The following PYROXD1 variants were observed in gnomAD, a reference collection of about 807,000 sequenced individuals.
PYROXD1 encodes tRNA ligase complex-associated NAD(P)H dehydrogenase PYROXD1.
Under a neutral mutation model 62.0 loss-of-function variants are expected in PYROXD1, and 42 were observed. The ratio of observed to expected loss-of-function variants is 0.68; its 90% CI spans 0.53 to 0.88. PYROXD1 has a LOEUF of 0.88. Ranked by LOEUF, PYROXD1 falls within the 40% of genes least tolerant of loss-of-function variation. The pLI is 0.00. For synonymous variants in PYROXD1, 170 were observed against 206.4 expected (o/e 0.82, Z 1.51); for missense variants, 493 against 604.8 (o/e 0.82, Z 1.94).
chr12:21,461,617 A>G lies in PYROXD1; in HGVS notation c.881-391A>G, dbSNP rs537474816. On this transcript the variant is annotated intron_variant, in intron 8 of 11. Transcript: ENST00000240651. The stretch of plus-strand genomic sequence containing the variant: ...TGTTCTGAATTCTTTGAATTTTTCC[A>G]TAGGAAAGGGGAATTTGAATATGAG... Among the ~76,000 whole-genome samples the G allele has an allele frequency of 9.8e-5, 15 of 152,316 alleles. No homozygotes were observed. The South Asian group carries it at 3.1e-3, about 32-fold the overall frequency.
chr12:21,449,742 AT>A, intron 4 of PYROXD1, 51 bp downstream of exon 4: 1 of 1,515,302 alleles, frequency 6.6e-7, no homozygotes. Flanking sequence ...AATTTTCTAC[AT>A]TTGAATTAAA....
chr12:21,463,581 A>C (rs1360053803), intron 10 of PYROXD1, among the ~76,000 whole-genome samples: 3 of 151,858 alleles, frequency 2.0e-5, no homozygotes, highest in Non-Finnish European at 4.4e-5. Flanking sequence ...AATCCCAGCT[A>C]TTCAGGAGGC....
chr12:21,465,486 T>A (rs1224250415), intron 10 of PYROXD1, among the ~76,000 whole-genome samples: 1 of 152,222 alleles, frequency 6.6e-6, no homozygotes, highest in Non-Finnish European at 1.5e-5. Flanking sequence ...AAGTGTCTGT[T>A]CATATCCTTC....
At chr12:21,448,659 A>G (rs1942436979) in intron 3 of PYROXD1, among the ~76,000 whole-genome samples, 1 of 152,256 alleles carries the variant, frequency 6.6e-6, no homozygotes, top group Admixed American at 6.5e-5. Context: ...GTGCTATGAT[A>G]CAGTTTAACA....
At chr12:21,440,729 G>A (rs1374806670) in intron 2 of PYROXD1, among the ~76,000 whole-genome samples, 2 of 152,078 alleles carry the variant, frequency 1.3e-5, no homozygotes, top group South Asian at 2.1e-4. Context: ...GTGAGAGTGG[G>A]CATCCTTGTG....
chr12:21,453,530 C>T (rs1458262053), intron 5 of PYROXD1, among the ~76,000 whole-genome samples: 1 of 151,994 alleles, frequency 6.6e-6, no homozygotes, highest in East Asian at 1.9e-4. Context: ...TAAGTTAATC[C>T]TTTCCTTTTC....
At chr12:21,462,218 A>G in intron 9 of PYROXD1, 98 bp downstream of exon 9, 1 of 687,964 alleles carries the variant, frequency 1.5e-6, no homozygotes, top group South Asian at 1.8e-5. Flanking sequence ...TTTAGTGTAC[A>G]ACTGTAACTT....
intron 11 of PYROXD1, among the ~76,000 whole-genome samples, chr12:21,468,278 T>C (rs1942839847): frequency 6.6e-6 from 1 of 152,160 alleles, no homozygotes; most frequent in African/African-American, 2.4e-5. Flanking sequence ...CATTTGACTA[T>C]ATTCACCAGA....
chr12:21,471,052 T>C lies in PYROXD1; in HGVS notation c.*2298T>C. ...TTCAGAAGATTAGCTTTAGGTCCTATTTTCAAATACGAAATGGTAGCATAA... is the reference window on the plus strand; with the variant it reads ...TTCAGAAGATTAGCTTTAGGTCCTACTTTCAAATACGAAATGGTAGCATAA... On this transcript the variant is annotated 3_prime_UTR_variant, in exon 12 of 12. Coordinates refer to ENST00000240651, the MANE Select transcript of PYROXD1 (RefSeq NM_024854.5). The C allele has an allele frequency of 6.2e-7, 1 of 1,602,432 alleles. No individual in the cohort carries two copies.
intron 10 of PYROXD1, 139 bp from the exon 11 acceptor site, chr12:21,467,342 C>T: frequency 4.6e-6 from 3 of 656,110 alleles, no homozygotes; most frequent in Non-Finnish European, 7.5e-6. Context: ...ATTAGTTATC[C>T]ATTGGTGACT....
rs2137295204 is a variant in PYROXD1, at chr12:21,468,552, A to G, written c.1301A>G (p.His434Arg). Residue 434 changes from histidine (H) to arginine (R), a missense_variant, in exon 12 of 12, where the codon CAT becomes CGT. Coordinates refer to ENST00000240651, the MANE Select transcript of PYROXD1 (RefSeq NM_024854.5). ...AATGCACAGGGCTTAGGTTCAGATC[A>G]TGAATTAATGCTGAGATGTACCAAA... Reference protein sequence around the residue: ...KYNAQGLGSDHELMLRCTKGR... With the variant: ...KYNAQGLGSDRELMLRCTKGR... 1 of 1,612,892 alleles carries G rather than the reference A, an allele frequency of 6.2e-7. No individual in the cohort carries two copies. Among genetic ancestry groups the G allele is most frequent in the Non-Finnish European group, 8.5e-7 (1 of 1,179,188 alleles).
At chr12:21,440,592 T>C (rs1942275931) in intron 2 of PYROXD1, 144 bp downstream of exon 2, 1 of 519,786 alleles carries the variant, frequency 1.9e-6, no homozygotes. Flanking sequence ...TTTTGATACA[T>C]GTATACATTG....
chr12:21,448,166 C>T (rs1942428091), intron 3 of PYROXD1: 3 of 671,158 alleles, frequency 4.5e-6, no homozygotes, highest in Non-Finnish European at 8.5e-6. Context: ...ATATCAATTT[C>T]ACATACCTGG....
rs1942929254 is a variant in PYROXD1 at position 21,470,734 on chromosome 12, TCC to T, written c.*1981_*1982del. 2.9e-6 allele frequency: 1 copy of T among 343,212 alleles called. No homozygotes were observed. Among genetic ancestry groups the T allele is most frequent in the Non-Finnish European group, 5.1e-6 (1 of 196,348 alleles). The allele number at this position is 343,212 out of a possible 1,614,324, so 21.3% of individuals were successfully genotyped here. On this transcript the variant is annotated 3_prime_UTR_variant, in exon 12 of 12. Transcript: ENST00000240651. ...AACAAAATTAGATATTCAAACGGAG[TCC>T]TCCCATTCCAAGAAACTGGAAACCC...
intron 10 of PYROXD1, among the ~76,000 whole-genome samples, chr12:21,465,500 G>A (rs529316062): frequency 7.9e-5 from 12 of 151,912 alleles, no homozygotes; most frequent in East Asian, 3.9e-4. Context: ...ATCCTTCGCC[G>A]ACTTTTTGAT....
intron 1 of PYROXD1, among the ~76,000 whole-genome samples, chr12:21,439,793 A>G (rs2137236694): frequency 6.6e-6 from 1 of 152,330 alleles, no homozygotes; most frequent in East Asian, 1.9e-4. Flanking sequence ...AAAGGAAAAT[A>G]ATGAAACATT....
intron 3 of PYROXD1, chr12:21,448,044 A>G (rs1329210371): frequency 9.8e-6 from 5 of 512,436 alleles, no homozygotes; most frequent in Non-Finnish European, 1.9e-5. Flanking sequence ...TCTAAAATTG[A>G]CCTCATTGGT....
intron 10 of PYROXD1, among the ~76,000 whole-genome samples, chr12:21,463,306 C>CT (rs1942732210): frequency 6.6e-6 from 1 of 152,106 alleles, no homozygotes; most frequent in Non-Finnish European, 1.5e-5. Flanking sequence ...GACAGCACAA[C>CT]TTTAGATTAA....
chr12:21,467,682 G>T, intron 11 of PYROXD1, 64 bp downstream of exon 11: 1 of 1,244,532 alleles, frequency 8.0e-7, no homozygotes, highest in Non-Finnish European at 1.1e-6. Flanking sequence ...GATAAATCAT[G>T]TGATTTTCTT....
Sources: gnomAD v4.1 joint callset for allele counts (sites outside exome capture counted in the v4.1 genomes callset) on GRCh38, gnomAD v4.1.1 for gene constraint, MANE v1.5 for transcripts, NCBI Gene and HGNC (gene_info 2026-07-23, HGNC 2026-07-21) for gene names.